Variants in CTNND2 observed in about 807,000 individuals in gnomAD.
CTNND2 encodes catenin delta-2.
In CTNND2, 22 loss-of-function variants were observed where a neutral mutation model predicts 144.4. That is an observed-to-expected ratio of 0.15 (90% CI 0.11 to 0.22). The LOEUF (loss-of-function observed/expected upper bound fraction) is 0.22. Ranked by LOEUF, CTNND2 falls within the 10% of genes least tolerant of loss-of-function variation. The pLI, the probability that CTNND2 is intolerant of heterozygous loss-of-function variation, is 1.00. For missense variants in CTNND2, 1,353 were observed against 1,618.8 expected (o/e 0.84, Z 2.82); for synonymous variants, 751 against 695.6 (o/e 1.08, Z -1.25).
intron 1 of CTNND2, among the ~76,000 whole-genome samples, chr5:11,834,550 TTTTA>T (rs769320952): frequency 7.2e-5 from 11 of 152,206 alleles, no homozygotes; most frequent in African/African-American, 1.9e-4. Flanking sequence ...AATATGCATG[TTTTA>T]TTTGTCAAAT....
At chr5:11,834,150 C>T (rs112322079) in intron 1 of CTNND2, among the ~76,000 whole-genome samples, 176 of 152,110 alleles carry the variant, frequency 1.2e-3, no homozygotes, top group Non-Finnish European at 1.6e-3. Flanking sequence ...TAAAAGCACA[C>T]AGCCAATAAA....
chr5:11,666,465 AT>A (rs1450655529), intron 2 of CTNND2, among the ~76,000 whole-genome samples: 1 of 152,210 alleles, frequency 6.6e-6, no homozygotes, highest in Non-Finnish European at 1.5e-5. Context: ...GTTTTCATAG[AT>A]GGGATTGTTT....
intron 10 of CTNND2, among the ~76,000 whole-genome samples, chr5:11,226,228 CT>C (rs1229847458): frequency 2.6e-5 from 4 of 152,198 alleles, no homozygotes; most frequent in African/African-American, 7.2e-5. Context: ...AGATCTAGCT[CT>C]GAGGTACTCT....
Position 11,460,544 on chromosome 5 carries a change from C to T in CTNND2, c.288-48475G>A, listed in dbSNP as rs116842654. Among the ~76,000 whole-genome samples the T allele has an allele frequency of 8.5e-5, 13 of 152,284 alleles. No individual in the cohort carries two copies. In the East Asian group the frequency reaches 2.3e-3, roughly 27 times the overall value. On this transcript the variant is annotated intron_variant, in intron 3 of 21. Transcript: ENST00000304623. ...TGCTGTCCCCACTAACTGAGTGATG[C>T]TCTACCCCCATTGGGGGCCCCTGTG...
chr5:11,668,560 CTGTT>C (rs1173900356), intron 2 of CTNND2, among the ~76,000 whole-genome samples: 1 of 149,696 alleles, frequency 6.7e-6, no homozygotes, highest in Non-Finnish European at 1.5e-5. Flanking sequence ...ATTTGGCTCT[CTGTT>C]TGTCTGTTAA....
At chr5:11,233,539 T>G (rs1317827808) in intron 10 of CTNND2, among the ~76,000 whole-genome samples, 2 of 152,198 alleles carry the variant, frequency 1.3e-5, no homozygotes, top group East Asian at 3.9e-4. Context: ...GAAAGGCTAG[T>G]GCCTGCAAAA....
chr5:11,304,611 G>A (rs1749985492), intron 9 of CTNND2, among the ~76,000 whole-genome samples: 1 of 152,188 alleles, frequency 6.6e-6, no homozygotes, highest in Non-Finnish European at 1.5e-5. Flanking sequence ...AGGAACAGTG[G>A]TGGGAGGGAT....
At chr5:11,530,581 G>A (rs1033415185) in intron 3 of CTNND2, among the ~76,000 whole-genome samples, 5 of 152,296 alleles carry the variant, frequency 3.3e-5, no homozygotes, top group Middle Eastern at 3.4e-3. Context: ...TTTGGAATTG[G>A]GGTGTTGTGG....
At chr5:11,160,932 A>G (rs1758712693) in intron 11 of CTNND2, among the ~76,000 whole-genome samples, 1 of 152,244 alleles carries the variant, frequency 6.6e-6, no homozygotes, top group African/African-American at 2.4e-5. Flanking sequence ...ATAAGTGACT[A>G]TAAAAATAAA....
At chr5:11,785,962 T>C (rs1790806455) in intron 1 of CTNND2, among the ~76,000 whole-genome samples, 1 of 152,210 alleles carries the variant, frequency 6.6e-6, no homozygotes, top group Non-Finnish European at 1.5e-5. Flanking sequence ...GGGGCAGTCA[T>C]GGAGGGGGGT....
chr5:11,419,580 A>G (rs1038486169), intron 3 of CTNND2, among the ~76,000 whole-genome samples: 1 of 152,242 alleles, frequency 6.6e-6, no homozygotes, highest in Non-Finnish European at 1.5e-5. Context: ...CAAGTAAGCA[A>G]CCAATAATCT....
At chr5:11,180,246 C>T (rs1220813562) in intron 11 of CTNND2, among the ~76,000 whole-genome samples, 1 of 152,186 alleles carries the variant, frequency 6.6e-6, no homozygotes, top group Non-Finnish European at 1.5e-5. Flanking sequence ...CTCTCCTCCA[C>T]TATGCTTCCT....
intron 3 of CTNND2, among the ~76,000 whole-genome samples, chr5:11,558,556 G>C (rs1008450488): frequency 7.2e-5 from 11 of 152,000 alleles, no homozygotes; most frequent in Admixed American, 6.5e-4. Context: ...TTTTTGTAGA[G>C]ATGGAGTTTC....
intron 9 of CTNND2, among the ~76,000 whole-genome samples, chr5:11,271,523 T>C (rs1169236359): frequency 2.6e-5 from 4 of 152,148 alleles, no homozygotes; most frequent in Non-Finnish European, 5.9e-5. Context: ...ATGGTCCGCT[T>C]TTCAAAGATG....
At position 11,900,931 on chromosome 5, in the gene CTNND2, A is replaced by G. The variant is rs182070655; in HGVS notation, c.37+2886T>C. ...AAACTCTGTTAGGAAAAGTGAGACT[A>G]GCATCAAGGATTTCCCTCTAAGAAG... On this transcript the variant is annotated intron_variant, in intron 1 of 21. Coordinates refer to ENST00000304623, the MANE Select transcript of CTNND2 (RefSeq NM_001332.4). Among the ~76,000 whole-genome samples the G allele has an allele frequency of 2.0e-3, 303 of 152,350 alleles. 1 individual carries two copies. Among genetic ancestry groups the G allele is most frequent in the Non-Finnish European group, 3.6e-3 (242 of 68,032 alleles).
At chr5:11,368,469 G>C (rs997567225) in intron 7 of CTNND2, among the ~76,000 whole-genome samples, 3 of 152,162 alleles carry the variant, frequency 2.0e-5, no homozygotes, top group African/African-American at 7.2e-5. Flanking sequence ...TAGGGACCCA[G>C]AGAGGTGGGC....
At chr5:11,846,822 T>C (rs1292372662) in intron 1 of CTNND2, among the ~76,000 whole-genome samples, 5 of 151,664 alleles carry the variant, frequency 3.3e-5, no homozygotes, top group African/African-American at 7.3e-5. Flanking sequence ...GATATGAAAA[T>C]GGTTAATAGA....
At chr5:11,286,650 AC>A (rs1747787952) in intron 9 of CTNND2, among the ~76,000 whole-genome samples, 1 of 152,202 alleles carries the variant, frequency 6.6e-6, no homozygotes, top group Admixed American at 6.5e-5. Context: ...GAGGGAAACA[AC>A]CAACCCATCA....
intron 14 of CTNND2, among the ~76,000 whole-genome samples, chr5:11,100,753 T>G (rs1044498267): frequency 6.6e-6 from 1 of 152,196 alleles, no homozygotes; most frequent in Non-Finnish European, 1.5e-5. Context: ...AATGTGAAAC[T>G]TCCAACTCAA....
Sources: gnomAD v4.1 joint callset for allele counts (sites outside exome capture counted in the v4.1 genomes callset) on GRCh38, gnomAD v4.1.1 for gene constraint, MANE v1.5 for transcripts, NCBI Gene and HGNC (gene_info 2026-07-23, HGNC 2026-07-21) for gene names.